Variants in CEP128 observed in about 807,000 individuals in gnomAD.
CEP128 encodes centrosomal protein 128.
A neutral mutation model predicts 156.7 loss-of-function variants in CEP128; 132 were observed. The observed-to-expected ratio is 0.84, with a 90% CI of 0.73 to 0.97. The LOEUF (loss-of-function observed/expected upper bound fraction) is 0.97. Ranked by LOEUF, CEP128 falls within the 50% of genes least tolerant of loss-of-function variation. The pLI is 0.00. For missense variants in CEP128, 1,252 were observed against 1,281.9 expected, an observed-to-expected ratio of 0.98 and a Z score of 0.36; for synonymous variants, 469 against 448.9, an observed-to-expected ratio of 1.04 and a Z score of -0.57.
intron 6 of CEP128, among the ~76,000 whole-genome samples, chr14:80,904,379 A>G (rs183484534): frequency 1.1e-3 from 174 of 152,212 alleles, no homozygotes; most frequent in Admixed American, 2.0e-3. Flanking sequence ...GTTGTTGATC[A>G]AACAGTCCAA....
intron 16 of CEP128, among the ~76,000 whole-genome samples, chr14:80,774,789 G>A (rs1369478635): frequency 6.6e-6 from 1 of 152,174 alleles, no homozygotes; most frequent in Non-Finnish European, 1.5e-5. Flanking sequence ...TTATAAAAGT[G>A]CCCACCTGTT....
chr14:80,743,387 G>T, intron 18 of CEP128, 120 bp from the exon 19 acceptor site: 1 of 825,364 alleles, frequency 1.2e-6, no homozygotes, highest in Non-Finnish European at 1.8e-6. Flanking sequence ...CCAAATTTTT[G>T]CAAAATTTTA....
At chr14:80,747,920 G>A (rs1056190678) in intron 18 of CEP128, among the ~76,000 whole-genome samples, 9 of 152,180 alleles carry the variant, frequency 5.9e-5, no homozygotes, top group Non-Finnish European at 1.3e-4. Context: ...TTGAGGTGAT[G>A]AAAGTGTTCT....
intron 8 of CEP128, among the ~76,000 whole-genome samples, chr14:80,865,283 T>C (rs1887713064): frequency 6.6e-6 from 1 of 152,240 alleles, no homozygotes; most frequent in South Asian, 2.1e-4. Context: ...AATTGAACAA[T>C]ATTCCATTGG....
intron 14 of CEP128, among the ~76,000 whole-genome samples, chr14:80,789,777 C>T (rs1312168119): frequency 6.7e-6 from 1 of 150,328 alleles, no homozygotes; most frequent in Non-Finnish European, 1.5e-5. Context: ...GCCAACTCCT[C>T]AAAGACGTGA....
intron 19 of CEP128, among the ~76,000 whole-genome samples, chr14:80,592,516 C>T (rs1436262455): frequency 1.3e-5 from 2 of 152,072 alleles, no homozygotes; most frequent in Admixed American, 1.3e-4. Context: ...AATAGCCTAC[C>T]AACCAAAACA....
At chr14:80,620,457 C>T (rs936354380) in intron 19 of CEP128, among the ~76,000 whole-genome samples, 3 of 151,852 alleles carry the variant, frequency 2.0e-5, no homozygotes, top group Admixed American at 6.6e-5. Context: ...CTGCAGAATA[C>T]CATGGGCAAA....
chr14:80,635,055 CCT>C (rs1353034225), intron 19 of CEP128, among the ~76,000 whole-genome samples: 1 of 152,178 alleles, frequency 6.6e-6, no homozygotes, highest in Non-Finnish European at 1.5e-5. Flanking sequence ...TAAAATATCT[CCT>C]CTTTTCGTAG....
At chr14:80,612,655 T>C (rs983174073) in intron 19 of CEP128, among the ~76,000 whole-genome samples, 1 of 152,186 alleles carries the variant, frequency 6.6e-6, no homozygotes, top group Non-Finnish European at 1.5e-5. Context: ...TCAAAACTAA[T>C]CTGAAGAGGG....
chr14:80,668,665 A>C (rs1426942395), intron 19 of CEP128, among the ~76,000 whole-genome samples: 1 of 152,202 alleles, frequency 6.6e-6, no homozygotes, highest in Non-Finnish European at 1.5e-5. Flanking sequence ...GAATTTTAAA[A>C]ATTACAGAAA....
intron 12 of CEP128, among the ~76,000 whole-genome samples, chr14:80,834,001 A>C (rs915643400): frequency 1.3e-5 from 2 of 152,216 alleles, no homozygotes; most frequent in African/African-American, 4.8e-5. Context: ...GCTGTGTATC[A>C]ACATGCATTC....
Position 80,619,143 on chromosome 14 carries a change from T to C in CEP128, c.2807-38720A>G, listed in dbSNP as rs538519658. Among the ~76,000 whole-genome samples, 59 of 152,064 alleles carry C rather than the reference T, an allele frequency of 3.9e-4. 1 individual carries two copies. In the South Asian group the frequency reaches 5.6e-3, roughly 14 times the overall value. On this transcript the variant is annotated intron_variant, in intron 19 of 24. Coordinates refer to ENST00000555265, the MANE Select transcript of CEP128 (RefSeq NM_152446.5). ...GGGTTGGAGATTCCTCTGAGGCATA[T>C]GGAAAATGTAAACAAAAGACTGTTC...
At chr14:80,561,097 C>T (rs1216758297) in intron 20 of CEP128, among the ~76,000 whole-genome samples, 1 of 152,116 alleles carries the variant, frequency 6.6e-6, no homozygotes, top group Non-Finnish European at 1.5e-5. Context: ...AAATAGAGGG[C>T]TCACTTATAA....
intron 13 of CEP128, among the ~76,000 whole-genome samples, chr14:80,826,105 CA>C (rs397700906): frequency 0.11 from 7,606 of 70,366 alleles, 104 homozygotes; most frequent in African/African-American, 0.14. Context: ...GATTCTGTCT[CA>C]AAAAAAAAAA....
intron 8 of CEP128, among the ~76,000 whole-genome samples, chr14:80,875,621 G>C (rs1888243711): frequency 6.6e-6 from 1 of 152,178 alleles, no homozygotes; most frequent in Admixed American, 6.5e-5. Flanking sequence ...GAAAATTCTA[G>C]TACTGAAACT....
At chr14:80,618,554 A>C (rs1893327881) in intron 19 of CEP128, among the ~76,000 whole-genome samples, 1 of 152,256 alleles carries the variant, frequency 6.6e-6, no homozygotes, top group South Asian at 2.1e-4. Context: ...AAAATGCACA[A>C]ACAAGTTATT....
intron 20 of CEP128, among the ~76,000 whole-genome samples, chr14:80,566,054 T>C (rs1188335831): frequency 1.3e-5 from 2 of 152,182 alleles, no homozygotes; most frequent in East Asian, 3.8e-4. Context: ...CTCTGGGACT[T>C]AGGGACCATG....
At chr14:80,648,847 G>A (rs78723042) in intron 19 of CEP128, among the ~76,000 whole-genome samples, 2,541 of 151,954 alleles carry the variant, frequency 0.017, 76 homozygotes, top group African/African-American at 0.058. Context: ...TTTTTGTGGG[G>A]AAAAAAGGTA....
chr14:80,524,385 GC>G (rs760719640), intron 23 of CEP128, among the ~76,000 whole-genome samples: 3 of 152,096 alleles, frequency 2.0e-5, no homozygotes, highest in Non-Finnish European at 2.9e-5. Flanking sequence ...GGAGTAAGGG[GC>G]ACATTCTCTC....
Sources: gnomAD v4.1 joint callset for allele counts (sites outside exome capture counted in the v4.1 genomes callset) on GRCh38, gnomAD v4.1.1 for gene constraint, MANE v1.5 for transcripts, NCBI Gene and HGNC (gene_info 2026-07-23, HGNC 2026-07-21) for gene names.